Variants in RAD51B observed in about 807,000 individuals in gnomAD.
The protein encoded by RAD51B is RAD51 paralog B.
A neutral mutation model predicts 42.2 loss-of-function variants in RAD51B; 38 were observed. The observed-to-expected ratio is 0.90, with a 90% confidence interval of 0.70 to 1.18. The LOEUF (loss-of-function observed/expected upper bound fraction) is 1.18. Among genes scored for constraint, RAD51B ranks in the 50% most tolerant of loss-of-function variants. The pLI is 0.00. For synonymous variants in RAD51B, 154 were observed against 145.2 expected (o/e 1.06, Z -0.43); for missense variants, 373 against 400.7 (o/e 0.93, Z 0.59).
rs149655326 is a variant in RAD51B, at chr14:67,844,997, A to G, written c.315+9801A>G. Among the ~76,000 whole-genome samples, 312 of 152,156 alleles carry G rather than the reference A, an allele frequency of 2.1e-3. 12 individuals carry two copies. The East Asian group carries it at 0.045, about 22-fold the overall frequency. ...CCTTTATTTTGAGCTTATGGGTGTC[A>G]TTGCATGTGAGGTGGGTCTCTTGAA... On this transcript the variant is annotated intron_variant, in intron 4 of 10. Coordinates refer to ENST00000471583, the MANE Select transcript of RAD51B (RefSeq NM_133510.4).
At chr14:67,867,519 G>C (rs2042367497) in intron 5 of RAD51B, among the ~76,000 whole-genome samples, 2 of 152,150 alleles carry the variant, frequency 1.3e-5, no homozygotes, top group African/African-American at 4.8e-5. Flanking sequence ...CATAATATCT[G>C]CCTCCTCCCA....
At chr14:67,891,264 G>C (rs2043210390) in intron 7 of RAD51B, among the ~76,000 whole-genome samples, 1 of 152,040 alleles carries the variant, frequency 6.6e-6, no homozygotes, top group Admixed American at 6.6e-5. Context: ...TTCTAAGAGG[G>C]AAATGCCTTA....
At chr14:67,941,174 G>C (rs1203199499) in intron 7 of RAD51B, among the ~76,000 whole-genome samples, 1 of 152,160 alleles carries the variant, frequency 6.6e-6, no homozygotes, top group East Asian at 1.9e-4. Context: ...GGAATTCTGT[G>C]TGAGGCAAAA....
intron 10 of RAD51B, among the ~76,000 whole-genome samples, chr14:68,488,199 CTTTTTTTT>C (rs201866707): frequency 1.8e-5 from 2 of 108,306 alleles, no homozygotes; most frequent in African/African-American, 7.3e-5. Context: ...TAGGGTTTGT[CTTTTTTTT>C]TTTTTTTTTT....
At chr14:68,338,881 C>T (rs151201868) in intron 8 of RAD51B, 1 of 636,892 alleles carries the variant, frequency 1.6e-6, no homozygotes, top group African/African-American at 1.8e-5. Flanking sequence ...ACCAGCTTAG[C>T]CAAAGCTCCT....
At chr14:68,161,397 A>G (rs528193378) in intron 7 of RAD51B, among the ~76,000 whole-genome samples, 129 of 152,312 alleles carry the variant, frequency 8.5e-4, no homozygotes, top group African/African-American at 3.1e-3. Context: ...TGCTTGAGCC[A>G]GAGTCTCAGA....
chr14:68,620,909 G>C (rs1199080485), intron 10 of RAD51B, among the ~76,000 whole-genome samples: 1 of 152,210 alleles, frequency 6.6e-6, no homozygotes, highest in Non-Finnish European at 1.5e-5. Context: ...ACAGGAGCCA[G>C]GGGGTTTTCA....
intron 8 of RAD51B, among the ~76,000 whole-genome samples, chr14:68,353,804 G>T (rs553159824): frequency 1.3e-5 from 2 of 152,262 alleles, no homozygotes; most frequent in East Asian, 3.9e-4. Flanking sequence ...TTGCCACTTT[G>T]GGTGAAGGGC....
intron 7 of RAD51B, among the ~76,000 whole-genome samples, chr14:68,247,675 TTTA>T (rs750406024): frequency 1.3e-4 from 20 of 152,198 alleles, no homozygotes; most frequent in Non-Finnish European, 2.6e-4. Context: ...ATAATCTAAT[TTTA>T]AACTGTAATG....
At chr14:67,972,394 G>T (rs576412372) in intron 7 of RAD51B, among the ~76,000 whole-genome samples, 1 of 152,140 alleles carries the variant, frequency 6.6e-6, no homozygotes, top group East Asian at 1.9e-4. Context: ...GGAAAGCTGG[G>T]AAGGGCCTAG....
intron 10 of RAD51B, among the ~76,000 whole-genome samples, chr14:68,553,895 A>C (rs1207055510): frequency 6.6e-6 from 1 of 152,240 alleles, no homozygotes; most frequent in Non-Finnish European, 1.5e-5. Context: ...AACAGAGCTA[A>C]GAAATGAGCT....
At chr14:68,150,093 C>T (rs180708512) in intron 7 of RAD51B, among the ~76,000 whole-genome samples, 4 of 152,100 alleles carry the variant, frequency 2.6e-5, no homozygotes, top group Admixed American at 6.5e-5. Flanking sequence ...TACAGGTATG[C>T]GCCACCACGC....
At chr14:68,596,126 C>T (rs1194500174), downstream of RAD51B, 9 of 813,066 alleles carry the variant, frequency 1.1e-5, no homozygotes, top group African/African-American at 1.8e-5. Context: ...GCCCTTTCCA[C>T]AACAGACACT....
At chr14:68,422,020 C>A in intron 9 of RAD51B, 3 of 1,531,878 alleles carry the variant, frequency 2.0e-6, no homozygotes, top group South Asian at 2.2e-5. Context: ...GACACATAAA[C>A]CCTGGAATAA....
At chr14:68,195,904 G>A (rs1595536822) in intron 7 of RAD51B, among the ~76,000 whole-genome samples, 1 of 53,836 alleles carries the variant, frequency 1.9e-5, no homozygotes, top group Admixed American at 2.6e-4. Flanking sequence ...GCAGAGCTCT[G>A]TTTCAAAAAA....
At chr14:68,016,594 G>A (rs922471196) in intron 7 of RAD51B, among the ~76,000 whole-genome samples, 5 of 152,108 alleles carry the variant, frequency 3.3e-5, no homozygotes, top group African/African-American at 1.2e-4. Flanking sequence ...TTAACAACTG[G>A]CTTAGAAAAT....
At chr14:68,305,816 C>T (rs573338809) in intron 8 of RAD51B, among the ~76,000 whole-genome samples, 189 of 152,302 alleles carry the variant, frequency 1.2e-3, no homozygotes, top group African/African-American at 4.4e-3. Context: ...ATTAACCAGT[C>T]CCCTGTTCCA....
intron 7 of RAD51B, among the ~76,000 whole-genome samples, chr14:68,206,049 C>T (rs1026535685): frequency 6.6e-6 from 1 of 152,152 alleles, no homozygotes; most frequent in Non-Finnish European, 1.5e-5. Flanking sequence ...TTGTCATGTT[C>T]CTTTAGTCTC....
chr14:68,352,243 C>T (rs898546850), intron 8 of RAD51B, among the ~76,000 whole-genome samples: 6 of 152,176 alleles, frequency 3.9e-5, no homozygotes, highest in Admixed American at 6.5e-5. Context: ...CACAGAGTAA[C>T]GAGGGCTTAA....
Sources: allele counts gnomAD v4.1 joint callset (sites outside exome capture counted in the v4.1 genomes callset), GRCh38; gene constraint gnomAD v4.1.1; transcripts MANE v1.5; gene names NCBI Gene and HGNC (gene_info 2026-07-23, HGNC 2026-07-21).